THAP6: variants seen among roughly 807,000 people sequenced by gnomAD.
THAP6 encodes THAP domain containing 6, also known as THAP domain-containing protein 6.
In THAP6, 13 loss-of-function variants were observed where a neutral mutation model predicts 20.0. That is an observed-to-expected ratio of 0.65 (90% CI 0.42 to 1.03). THAP6 has a LOEUF of 1.03. Ranked by LOEUF, THAP6 falls within the 50% of genes least tolerant of loss-of-function variation. The pLI is 0.00. For missense variants in THAP6, 262 were observed against 261.6 expected, an observed-to-expected ratio of 1.00 and a Z score of -0.01; for synonymous variants, 93 against 92.2, an observed-to-expected ratio of 1.01 and a Z score of -0.05.
At chr4:75,515,741 G>A (rs767348534) in intron 2 of THAP6, among the ~76,000 whole-genome samples, 5 of 152,184 alleles carry the variant, frequency 3.3e-5, no homozygotes, top group Non-Finnish European at 2.9e-5. Flanking sequence ...AGATATCAGA[G>A]ACTGGTTTAC....
At chr4:75,524,069 C>T (rs1247864377) in intron 4 of THAP6, among the ~76,000 whole-genome samples, 5 of 152,054 alleles carry the variant, frequency 3.3e-5, no homozygotes, top group South Asian at 2.1e-4. Flanking sequence ...AAAGTGAGTT[C>T]GCTGTAGGTG....
intron 2 of THAP6, among the ~76,000 whole-genome samples, chr4:75,516,274 C>G (rs1336377347): frequency 6.6e-6 from 1 of 152,196 alleles, no homozygotes; most frequent in Non-Finnish European, 1.5e-5. Flanking sequence ...CTCCAGAACT[C>G]CACACTGCAG....
At chr4:75,535,169 C>T (rs973337394) in intron 2 of THAP6, among the ~76,000 whole-genome samples, 50 of 152,216 alleles carry the variant, frequency 3.3e-4, no homozygotes, top group Admixed American at 1.0e-3. Context: ...ATCATGAGAA[C>T]AGCACAGGAA....
At chr4:75,535,284 G>C (rs1726819139) in intron 2 of THAP6, among the ~76,000 whole-genome samples, 1 of 152,220 alleles carries the variant, frequency 6.6e-6, no homozygotes, top group Non-Finnish European at 1.5e-5. Context: ...AACCATATCA[G>C]AAGCTATGCC....
chr4:75,522,584 C>G (rs1031038429), intron 4 of THAP6: 1 of 152,124 alleles, frequency 6.6e-6, no homozygotes, highest in Admixed American at 6.6e-5. Flanking sequence ...ACCTCCCCCC[C>G]ATCCTACTAC....
chr4:75,546,220 G>A (rs1484506972), intron 3 of THAP6, among the ~76,000 whole-genome samples: 1 of 152,200 alleles, frequency 6.6e-6, no homozygotes, highest in Non-Finnish European at 1.5e-5. Flanking sequence ...AGAAGAGGGG[G>A]ACTGAAGCAG....
At chr4:75,541,407 T>C (rs1726997084) in intron 2 of THAP6, among the ~76,000 whole-genome samples, 1 of 152,168 alleles carries the variant, frequency 6.6e-6, no homozygotes, top group Non-Finnish European at 1.5e-5. Flanking sequence ...TTATATAAAA[T>C]GTTTTGAAAC....
chr4:75,518,097 T>C (rs778730729), intron 3 of THAP6, among the ~76,000 whole-genome samples: 2 of 152,228 alleles, frequency 1.3e-5, no homozygotes, highest in African/African-American at 4.8e-5. Context: ...CTAATAAATA[T>C]ACAGTATCTT....
chr4:75,534,562 T>G (rs1477136199), downstream of THAP6, among the ~76,000 whole-genome samples: 2 of 152,070 alleles, frequency 1.3e-5, no homozygotes, highest in Admixed American at 6.6e-5. Flanking sequence ...ATTGACAAAT[T>G]GGATCTAATG....
At position 75,527,083 on chromosome 4, in the gene THAP6, C is replaced by T; in HGVS notation, c.538C>T (p.Gln180Ter). Reference sequence around the variant, plus strand: ...TGTTTTAGACCGAGAAAAACGTTTTCAGAAATCATTGAGGAAGACAATCAG... The same window carrying T: ...TGTTTTAGACCGAGAAAAACGTTTTTAGAAATCATTGAGGAAGACAATCAG... ...RNVLDREKRF[Q>*]KSLRKTIREL... is the part of the protein sequence containing the mutation. Residue 180 changes from glutamine to a stop codon, truncating the protein, a stop_gained, in exon 5 of 5, where the codon CAG becomes TAG. Coordinates refer to ENST00000311638, the MANE Select transcript of THAP6 (RefSeq NM_144721.6). LOFTEE classifies it high-confidence loss of function. 6.2e-7 allele frequency: 1 copy of T among 1,614,022 alleles called. No homozygotes were observed.
chr4:75,539,944 A>C, intron 2 of THAP6: 2 of 1,536,024 alleles, frequency 1.3e-6, no homozygotes, highest in Non-Finnish European at 1.7e-6. Context: ...GCAAGTGGAC[A>C]GGCAACAGTG....
At chr4:75,516,663 A>G in intron 2 of THAP6, 109 bp from the exon 3 acceptor site, 1 of 846,882 alleles carries the variant, frequency 1.2e-6, no homozygotes, top group Non-Finnish European at 1.8e-6. Context: ...TCTCAAGACT[A>G]ATAAACTAGT....
intron 2 of THAP6, among the ~76,000 whole-genome samples, chr4:75,536,426 T>C (rs969052528): frequency 5.3e-5 from 8 of 152,118 alleles, no homozygotes; most frequent in Non-Finnish European, 1.2e-4. Flanking sequence ...ATCATGCCAT[T>C]GCACTGCAGC....
intron 2 of THAP6, among the ~76,000 whole-genome samples, chr4:75,541,366 A>G (rs1042745865): frequency 1.3e-5 from 2 of 152,224 alleles, no homozygotes; most frequent in African/African-American, 4.8e-5. Context: ...GATAAAAACA[A>G]TATAAAGCAC....
chr4:75,541,481 GAAAGA>G (rs1205464424), intron 2 of THAP6, among the ~76,000 whole-genome samples: 2 of 151,680 alleles, frequency 1.3e-5, no homozygotes, highest in African/African-American at 4.9e-5. Flanking sequence ...TATAGAAAAA[GAAAGA>G]AAAGATATAT....
downstream of THAP6, among the ~76,000 whole-genome samples, chr4:75,530,240 CAG>C (rs1726637449): frequency 6.6e-6 from 1 of 152,148 alleles, no homozygotes; most frequent in African/African-American, 2.4e-5. Context: ...TCAAAACTGT[CAG>C]ATATGATGTC....
intron 2 of THAP6, among the ~76,000 whole-genome samples, chr4:75,542,212 C>T (rs1490732572): frequency 6.6e-6 from 1 of 152,164 alleles, no homozygotes; most frequent in East Asian, 1.9e-4. Flanking sequence ...TGTGACTGGT[C>T]ACCAGCAGAA....
At chr4:75,542,847 C>A (rs180812763) in intron 3 of THAP6, 1 of 176,392 alleles carries the variant, frequency 5.7e-6, no homozygotes, top group Non-Finnish European at 1.2e-5. Context: ...CATTTGGAAG[C>A]TCCAGTTGGG....
In THAP6 at chr4:75,516,973, C is replaced by T. The variant is rs1380953390; in HGVS notation, c.282C>T (p.His94=). 3 of 1,605,872 alleles carry T rather than the reference C, an allele frequency of 1.9e-6. No individual in the cohort carries two copies. The highest frequency in any genetic ancestry group is 1.7e-5 in the Admixed American group (1 of 59,820). ...VIPSIFDSPY[H]LQGKREKLHC... is the part of the protein sequence containing the mutation. Reference sequence around the variant, plus strand: ...CTTCTATCTTTGATTCTCCATATCACCTACAGGTTTGTTTATGAGATACTG... The same window carrying T: ...CTTCTATCTTTGATTCTCCATATCATCTACAGGTTTGTTTATGAGATACTG... The change falls in exon 3 of 5, where the codon CAC becomes CAT. Residue 94 remains histidine (H), a synonymous_variant. Coordinates refer to ENST00000311638, the MANE Select transcript of THAP6 (RefSeq NM_144721.6).
Sources: allele counts gnomAD v4.1 joint callset (sites outside exome capture counted in the v4.1 genomes callset), GRCh38; gene constraint gnomAD v4.1.1; transcripts MANE v1.5; gene names NCBI Gene and HGNC (gene_info 2026-07-23, HGNC 2026-07-21).